The following ZFAND6 variants were observed in gnomAD, a reference collection of about 807,000 sequenced individuals.
ZFAND6 encodes the protein zinc finger AN1-type containing 6.
A neutral mutation model predicts 24.5 loss-of-function variants in ZFAND6; 12 were observed. The observed-to-expected ratio is 0.49, with a 90% CI of 0.31 to 0.79. The LOEUF (loss-of-function observed/expected upper bound fraction) is 0.79. Ranked by LOEUF, ZFAND6 falls within the 30% of genes least tolerant of loss-of-function variation. ZFAND6 has a pLI of 0.04. For missense variants in ZFAND6, 207 were observed against 245.9 expected (o/e 0.84, Z 1.06); for synonymous variants, 92 against 81.5 (o/e 1.13, Z -0.69).
chr15:80,125,971 C>T lies in ZFAND6; in HGVS notation c.364+3171C>T, dbSNP rs554413921. Among the ~76,000 whole-genome samples the T allele has an allele frequency of 9.9e-5, 15 of 152,074 alleles. No homozygotes were observed. The East Asian group carries it at 1.5e-3, about 16-fold the overall frequency. On this transcript the variant is annotated intron_variant, in intron 5 of 6. Coordinates refer to ENST00000261749, the MANE Select transcript of ZFAND6 (RefSeq NM_019006.4). ...CTGCAGAAGATATTCTTTATATTGC[C>T]CAAGTGATTTGGGAGTTGTAGGAGG...
chr15:80,067,639 C>T (rs1386682027), intron 1 of ZFAND6, among the ~76,000 whole-genome samples: 1 of 152,112 alleles, frequency 6.6e-6, no homozygotes, highest in Non-Finnish European at 1.5e-5. Context: ...GTATTAGTCA[C>T]ATTCTAGGTG....
At chr15:80,134,873 T>A (rs1044694321) in intron 6 of ZFAND6, among the ~76,000 whole-genome samples, 1 of 152,242 alleles carries the variant, frequency 6.6e-6, no homozygotes, top group Non-Finnish European at 1.5e-5. Context: ...TCAAGACTGC[T>A]TTTCACTTCG....
intron 2 of ZFAND6, among the ~76,000 whole-genome samples, chr15:80,112,544 T>C (rs1018039422): frequency 6.6e-6 from 1 of 151,834 alleles, no homozygotes; most frequent in African/African-American, 2.4e-5. Flanking sequence ...ATTACAGGCA[T>C]GTGCCACCAC....
At chr15:80,107,257 G>A (rs1434792868) in intron 2 of ZFAND6, among the ~76,000 whole-genome samples, 1 of 152,086 alleles carries the variant, frequency 6.6e-6, no homozygotes, top group African/African-American at 2.4e-5. Context: ...GTTTCATCAG[G>A]AATACTCAGC....
At position 80,101,019 on chromosome 15, in the gene ZFAND6, G is replaced by A. The variant is rs546781612; in HGVS notation, c.-18+2441G>A. On this transcript the variant is annotated intron_variant, in intron 2 of 6. Transcript: ENST00000261749. ...ATTATTATCATTATTAAACCTGTTTGTTCTTTGAGAGGAGGAATACTAGGT... is the reference window on the plus strand; with the variant it reads ...ATTATTATCATTATTAAACCTGTTTATTCTTTGAGAGGAGGAATACTAGGT... Among the ~76,000 whole-genome samples, 22 of 152,320 alleles carry A rather than the reference G, an allele frequency of 1.4e-4. No homozygotes were observed. In the South Asian group the frequency reaches 4.6e-3, roughly 32 times the overall value.
chr15:80,122,593 T>C (rs899012794), intron 4 of ZFAND6, 107 bp from the exon 5 acceptor site: 11 of 687,162 alleles, frequency 1.6e-5, no homozygotes, highest in African/African-American at 1.3e-4. Flanking sequence ...ATGTCTGTGT[T>C]CTCATCTTAA....
intron 1 of ZFAND6, among the ~76,000 whole-genome samples, chr15:80,078,051 A>G (rs2037399191): frequency 6.6e-6 from 1 of 152,050 alleles, no homozygotes; most frequent in South Asian, 2.1e-4. Flanking sequence ...CTTTTGCTAT[A>G]TTTTATTTTT....
chr15:80,116,163 G>T (rs2039869972), intron 2 of ZFAND6, among the ~76,000 whole-genome samples: 1 of 151,582 alleles, frequency 6.6e-6, no homozygotes. Flanking sequence ...GATATTGCAG[G>T]TCTGTTTATG....
intron 1 of ZFAND6, among the ~76,000 whole-genome samples, chr15:80,092,345 A>C (rs971141069): frequency 6.7e-6 from 1 of 149,172 alleles, no homozygotes; most frequent in East Asian, 2.0e-4. Context: ...AAAAAAAAAA[A>C]GGATTGCTTG....
chr15:80,120,523 C>T, intron 3 of ZFAND6, 25 bp downstream of exon 3: 1 of 1,474,074 alleles, frequency 6.8e-7, no homozygotes, highest in Non-Finnish European at 9.1e-7. Context: ...TGAAACCCGT[C>T]TATATTCATA....
chr15:80,092,124 CAACTGTT>C (rs1226895592), intron 1 of ZFAND6, among the ~76,000 whole-genome samples: 1 of 151,758 alleles, frequency 6.6e-6, no homozygotes, highest in Non-Finnish European at 1.5e-5. Context: ...ATCTGCAAAA[CAACTGTT>C]AACTGGAATG....
chr15:80,132,921 T>G (rs914492992), intron 6 of ZFAND6, among the ~76,000 whole-genome samples: 15 of 148,086 alleles, frequency 1.0e-4, no homozygotes, highest in Non-Finnish European at 2.2e-4. Context: ...GATAAATGAA[T>G]TCAGTGTAAG....
rs150284759 is a variant in ZFAND6, at chr15:80,099,766, G to A, written c.-18+1188G>A. ...TGAGCAGCTGGGACTACAGGCATGCGCCACCATGCCCGGCTAATTTTTGTA... is the reference window on the plus strand; with the variant it reads ...TGAGCAGCTGGGACTACAGGCATGCACCACCATGCCCGGCTAATTTTTGTA... On this transcript the variant is annotated intron_variant, in intron 2 of 6. Transcript: ENST00000261749. Among the ~76,000 whole-genome samples, 1,387 of 152,088 alleles carry A rather than the reference G, an allele frequency of 9.1e-3. 26 individuals carry two copies. Among genetic ancestry groups the A allele is most frequent in the African/African-American group, 0.032 (1,316 of 41,510 alleles).
intron 1 of ZFAND6, among the ~76,000 whole-genome samples, chr15:80,098,191 A>T (rs2038842010): frequency 6.6e-6 from 1 of 152,172 alleles, no homozygotes; most frequent in African/African-American, 2.4e-5. Context: ...AGTAATCCTT[A>T]CTCACCTAGT....
chr15:80,067,463 C>T (rs1437040038), intron 1 of ZFAND6, among the ~76,000 whole-genome samples: 1 of 152,044 alleles, frequency 6.6e-6, no homozygotes, highest in Non-Finnish European at 1.5e-5. Context: ...TTATATTGGG[C>T]TTTTCTTTCA....
intron 6 of ZFAND6, among the ~76,000 whole-genome samples, chr15:80,132,773 A>T (rs921737212): frequency 4.6e-5 from 7 of 152,214 alleles, no homozygotes; most frequent in African/African-American, 1.7e-4. Flanking sequence ...CACTAGTGAT[A>T]CTGGAAGTGC....
intron 2 of ZFAND6, chr15:80,111,420 A>T (rs1453287589): frequency 2.3e-6 from 1 of 432,468 alleles, no homozygotes; most frequent in Non-Finnish European, 4.6e-6. Flanking sequence ...AGTCTTCCTT[A>T]TTGACAGGTT....
chr15:80,084,548 T>C (rs1174784265), intron 1 of ZFAND6, among the ~76,000 whole-genome samples: 4 of 152,186 alleles, frequency 2.6e-5, no homozygotes, highest in Non-Finnish European at 5.9e-5. Context: ...ATGAGGAGTA[T>C]TGATTTAATT....
intron 6 of ZFAND6, among the ~76,000 whole-genome samples, chr15:80,135,125 C>A (rs1329210442): frequency 6.6e-6 from 1 of 152,158 alleles, no homozygotes; most frequent in Non-Finnish European, 1.5e-5. Context: ...AATGTAAAGA[C>A]AAGGATGAAG....
Sources: allele counts gnomAD v4.1 joint callset (sites outside exome capture counted in the v4.1 genomes callset), GRCh38; gene constraint gnomAD v4.1.1; transcripts MANE v1.5; gene names NCBI Gene and HGNC (gene_info 2026-07-23, HGNC 2026-07-21).